The following KCNQ5 variants were observed in gnomAD, a reference collection of about 807,000 sequenced individuals.
KCNQ5 encodes the protein potassium voltage-gated channel subfamily Q member 5, also known as potassium voltage-gated channel subfamily KQT member 5.
Under a neutral mutation model 98.2 loss-of-function variants are expected in KCNQ5, and 30 were observed. The observed-to-expected ratio is 0.31, with a 90% CI of 0.23 to 0.41. The LOEUF (loss-of-function observed/expected upper bound fraction) is 0.41, where lower values mean the gene tolerates loss of function less well. Ranked by LOEUF, KCNQ5 falls within the 10% of genes least tolerant of loss-of-function variation. The pLI is 1.00. For missense variants in KCNQ5, 835 were observed against 1,182.5 expected (o/e 0.71, Z 4.31); for synonymous variants, 458 against 449.4 (o/e 1.02, Z -0.24).
chr6:73,067,956 T>C (rs906764648), intron 3 of KCNQ5, among the ~76,000 whole-genome samples: 29 of 151,988 alleles, frequency 1.9e-4, no homozygotes, highest in African/African-American at 6.8e-4. Flanking sequence ...ACCATTAATA[T>C]GCAAATGTAT....
intron 1 of KCNQ5, among the ~76,000 whole-genome samples, chr6:72,965,407 C>T (rs571641700): frequency 7.2e-5 from 11 of 152,312 alleles, no homozygotes; most frequent in Admixed American, 3.3e-4. Flanking sequence ...TATATCCCTA[C>T]GAGCAATGGC....
rs1197645081 is a variant in KCNQ5, at chr6:73,195,705, T to A, written c.*291T>A. ...GGTGTATGAATATGTCAAGTTTAGG[T>A]CATTTAGAAGATTTGACACTGTATT... On this transcript the variant is annotated 3_prime_UTR_variant, in exon 14 of 14. Transcript: ENST00000370398. 2 of 315,164 alleles carry A rather than the reference T, an allele frequency of 6.3e-6. No individual in the cohort carries two copies. Among genetic ancestry groups the A allele is most frequent in the Non-Finnish European group, 1.2e-5 (2 of 169,114 alleles). 19.5% of individuals were successfully genotyped at this position (315,164 alleles called of 1,614,324 possible).
In KCNQ5 at chr6:73,014,415, G is replaced by T. The variant is rs1770223800; in HGVS notation, c.489+10417G>T. 3.9e-5 allele frequency among the ~76,000 whole-genome samples: 6 copies of T among 152,024 alleles called. 1 individual carries two copies. In the South Asian group the frequency reaches 1.2e-3, roughly 31 times the overall value. On this transcript the variant is annotated intron_variant, in intron 2 of 13. Coordinates refer to ENST00000370398, the MANE Select transcript of KCNQ5 (RefSeq NM_019842.4). ...TGCCACTATCAATTTTAGCAAGACA[G>T]AGCCTGTCTCAGTATATTTGCTCCT...
chr6:72,660,533 A>G (rs77634988), intron 1 of KCNQ5, among the ~76,000 whole-genome samples: 2 of 152,312 alleles, frequency 1.3e-5, no homozygotes, highest in East Asian at 3.9e-4. Context: ...CTGTTTCTTA[A>G]GAAGTAGTTA....
chr6:72,812,429 C>A (rs1016810160), intron 1 of KCNQ5, among the ~76,000 whole-genome samples: 1 of 152,170 alleles, frequency 6.6e-6, no homozygotes, highest in Admixed American at 6.5e-5. Flanking sequence ...TGAATGAAAT[C>A]ATATTGTACA....
intron 5 of KCNQ5, among the ~76,000 whole-genome samples, chr6:73,083,517 A>G (rs1773862429): frequency 6.6e-6 from 1 of 152,248 alleles, no homozygotes; most frequent in African/African-American, 2.4e-5. Flanking sequence ...AAAATTAAGG[A>G]AAATAAATGA....
chr6:73,105,240 A>G lies in KCNQ5; in HGVS notation c.919-17A>G, dbSNP rs748008833. ...CTCAAGTACTTAAGCTGCACATTCT[A>G]TTTATTTTGTTTCTAGATTACATTG... is the stretch of plus-strand genomic sequence containing the variant. On this transcript the variant is annotated splice_polypyrimidine_tract_variant and intron_variant, in intron 5 of 13. Coordinates refer to ENST00000370398, the MANE Select transcript of KCNQ5 (RefSeq NM_019842.4). The G allele has an allele frequency of 4.1e-6, 6 of 1,471,956 alleles. No homozygotes were observed. The highest frequency in any genetic ancestry group is 9.4e-7 in the Non-Finnish European group (1 of 1,059,552). 91.2% of individuals were successfully genotyped at this position (1,471,956 alleles called of 1,614,324 possible).
At chr6:72,728,767 G>A (rs1326880221) in intron 1 of KCNQ5, among the ~76,000 whole-genome samples, 1 of 152,084 alleles carries the variant, frequency 6.6e-6, no homozygotes, top group African/African-American at 2.4e-5. Context: ...TTTTATTTTT[G>A]ACATTTTCTG....
At chr6:73,118,592 A>G (rs757908239) in intron 7 of KCNQ5, among the ~76,000 whole-genome samples, 28 of 152,234 alleles carry the variant, frequency 1.8e-4, no homozygotes, top group Middle Eastern at 3.2e-3. Context: ...TAGTTGTGTG[A>G]ATTTTTAACT....
At chr6:72,769,664 G>A (rs923949341) in intron 1 of KCNQ5, among the ~76,000 whole-genome samples, 3 of 152,048 alleles carry the variant, frequency 2.0e-5, no homozygotes, top group Non-Finnish European at 2.9e-5. Flanking sequence ...ATTGCAGACT[G>A]CCTGCTACTG....
intron 1 of KCNQ5, among the ~76,000 whole-genome samples, chr6:72,785,665 AAAAC>A (rs1434399860): frequency 6.6e-6 from 1 of 152,034 alleles, no homozygotes; most frequent in East Asian, 1.9e-4. Context: ...AAAAAAAACA[AAAAC>A]AAACAAACAC....
At chr6:72,950,490 C>T (rs868861506) in intron 1 of KCNQ5, among the ~76,000 whole-genome samples, 13 of 152,180 alleles carry the variant, frequency 8.5e-5, no homozygotes, top group African/African-American at 2.4e-4. Context: ...GAATTCTAAC[C>T]GTATGGTTTC....
chr6:72,974,132 C>T (rs1280482629), intron 1 of KCNQ5, among the ~76,000 whole-genome samples: 2 of 152,146 alleles, frequency 1.3e-5, no homozygotes, highest in Non-Finnish European at 2.9e-5. Context: ...GGGTTAGTAA[C>T]CTATGGACCA....
rs1310423853 is a variant in KCNQ5, at chr6:73,194,767, A to G, written c.2152A>G (p.Ile718Val). Reference protein sequence around the residue: ...TMHSQATQVPISQSDGSAVAA... With the variant: ...TMHSQATQVPVSQSDGSAVAA... ...GCACAGTCAAGCAACACAGGTGCCA[A>G]TTAGTCAAAGCGATGGCTCAGCAGT... is the stretch of plus-strand genomic sequence containing the variant. The change falls in exon 14 of 14, where the codon ATT (isoleucine) becomes GTT (valine). Residue 718 changes from isoleucine to valine, a missense_variant. Around this residue, in one of 10 missense-constraint regions of KCNQ5, gnomAD observed 416 missense variants for 446.9 expected, o/e 0.93. Coordinates refer to ENST00000370398, the MANE Select transcript of KCNQ5 (RefSeq NM_019842.4). The G allele has an allele frequency of 1.2e-6, 2 of 1,614,128 alleles. No homozygotes were observed. Among genetic ancestry groups the G allele is most frequent in the African/African-American group, 2.7e-5 (2 of 74,958 alleles).
intron 1 of KCNQ5, among the ~76,000 whole-genome samples, chr6:72,699,641 G>T (rs530489846): frequency 6.6e-6 from 1 of 152,158 alleles, no homozygotes; most frequent in African/African-American, 2.4e-5. Context: ...CTAATCTCAA[G>T]AATTTATAAT....
At chr6:73,018,783 T>C (rs1770462528) in intron 2 of KCNQ5, among the ~76,000 whole-genome samples, 1 of 152,176 alleles carries the variant, frequency 6.6e-6, no homozygotes, top group South Asian at 2.1e-4. Context: ...TTTATGAAAT[T>C]GTACATACAG....
intron 11 of KCNQ5, among the ~76,000 whole-genome samples, chr6:73,180,514 TAGA>T (rs1332800200): frequency 1.3e-5 from 2 of 152,096 alleles, no homozygotes; most frequent in Non-Finnish European, 2.9e-5. Context: ...ATGTGCGACT[TAGA>T]AGATTTTGCA....
intron 1 of KCNQ5, among the ~76,000 whole-genome samples, chr6:72,804,482 T>A (rs374907047): frequency 6.6e-6 from 1 of 152,112 alleles, no homozygotes; most frequent in Non-Finnish European, 1.5e-5. Context: ...GTTCCATCTA[T>A]GTTGTTGCAA....
chr6:72,905,115 C>T (rs574037587), intron 1 of KCNQ5, among the ~76,000 whole-genome samples: 3 of 152,110 alleles, frequency 2.0e-5, no homozygotes, highest in Non-Finnish European at 2.9e-5. Context: ...TTAATTCAAA[C>T]GCCTTATCTT....
Sources: gnomAD v4.1 joint callset for allele counts (sites outside exome capture counted in the v4.1 genomes callset) on GRCh38, gnomAD v4.1.1 for gene constraint, gnomAD v4.1.1 regional missense constraint, MANE v1.5 for transcripts, NCBI Gene and HGNC (gene_info 2026-07-23, HGNC 2026-07-21) for gene names.